The following ADAMTS6 variants were observed in gnomAD, a reference collection of about 807,000 sequenced individuals.
ADAMTS6 encodes A disintegrin and metalloproteinase with thrombospondin motifs 6.
A neutral mutation model predicts 144.3 loss-of-function variants in ADAMTS6; 23 were observed. The ratio of observed to expected loss-of-function variants is 0.16; its 90% CI spans 0.11 to 0.23. The LOEUF (loss-of-function observed/expected upper bound fraction) is 0.23. Among genes scored for constraint, ADAMTS6 ranks in the 10% least tolerant of loss-of-function variants. The pLI is 1.00. For synonymous variants in ADAMTS6, 444 were observed against 457.5 expected (o/e 0.97, Z 0.38); for missense variants, 999 against 1,379.6 (o/e 0.72, Z 4.37).
In ADAMTS6 at chr5:65,427,956, C is replaced by T. The variant is rs72760584; in HGVS notation, c.1073+23519G>A. On this transcript the variant is annotated intron_variant, in intron 7 of 24. Transcript: ENST00000381055. The stretch of plus-strand genomic sequence containing the variant: ...TTAAGTTAATAAAGAAGGCCAGGCA[C>T]GGCTCACACCTATAATCCCAGCACT... 4.3e-3 allele frequency among the ~76,000 whole-genome samples: 651 copies of T among 151,708 alleles called. 5 individuals carry two copies. The highest frequency in any genetic ancestry group is 6.7e-3 in the Admixed American group (102 of 15,266).
chr5:65,399,361 A>G (rs1580606031), intron 7 of ADAMTS6, among the ~76,000 whole-genome samples: 2 of 152,270 alleles, frequency 1.3e-5, no homozygotes. Flanking sequence ...TGGAGCATTG[A>G]TATTCACAAT....
intron 10 of ADAMTS6, among the ~76,000 whole-genome samples, chr5:65,297,542 T>C (rs552672902): frequency 8.5e-5 from 13 of 152,278 alleles, no homozygotes; most frequent in Admixed American, 8.5e-4. Context: ...TAAAATAAAA[T>C]GTTATGAGCC....
intron 7 of ADAMTS6, among the ~76,000 whole-genome samples, chr5:65,339,129 T>C (rs112474800): frequency 4.6e-5 from 7 of 152,276 alleles, no homozygotes; most frequent in African/African-American, 1.4e-4. Flanking sequence ...CAACCCACCA[T>C]GTGCATACAT....
chr5:65,182,130 C>T (rs1361681179), intron 22 of ADAMTS6, among the ~76,000 whole-genome samples: 1 of 152,070 alleles, frequency 6.6e-6, no homozygotes, highest in East Asian at 1.9e-4. Flanking sequence ...CAAACCAAAA[C>T]CAAACCAGAT....
intron 3 of ADAMTS6, among the ~76,000 whole-genome samples, chr5:65,462,998 C>T (rs1043178799): frequency 5.3e-5 from 8 of 151,100 alleles, no homozygotes; most frequent in Admixed American, 2.0e-4. Context: ...GAGAATCACT[C>T]GAACCTGGGA....
chr5:65,371,064 C>G (rs1263023203), intron 7 of ADAMTS6, among the ~76,000 whole-genome samples: 1 of 152,134 alleles, frequency 6.6e-6, no homozygotes, highest in East Asian at 1.9e-4. Flanking sequence ...GCTGAGTGTC[C>G]TGTCTGTTAG....
At chr5:65,383,791 T>C (rs1580557851) in intron 7 of ADAMTS6, among the ~76,000 whole-genome samples, 1 of 152,240 alleles carries the variant, frequency 6.6e-6, no homozygotes, top group East Asian at 1.9e-4. Flanking sequence ...GGGCCCTCTA[T>C]GGTGACTCCC....
chr5:65,395,716 G>A (rs770181879), intron 7 of ADAMTS6, among the ~76,000 whole-genome samples: 4 of 152,148 alleles, frequency 2.6e-5, no homozygotes, highest in Non-Finnish European at 5.9e-5. Flanking sequence ...TTAATGGGCT[G>A]TTAATATTTT....
At chr5:65,451,682 CT>C in intron 6 of ADAMTS6, 62 bp from the exon 7 acceptor site, 1 of 1,571,156 alleles carries the variant, frequency 6.4e-7, no homozygotes, top group Non-Finnish European at 8.7e-7. Flanking sequence ...GTTGTTAAAA[CT>C]TTTGAAGACT....
chr5:65,359,258 G>A (rs1295180990), intron 7 of ADAMTS6, among the ~76,000 whole-genome samples: 2 of 151,998 alleles, frequency 1.3e-5, no homozygotes, highest in Admixed American at 6.6e-5. Context: ...TGATATGAAC[G>A]ACATTTCTCA....
intron 7 of ADAMTS6, among the ~76,000 whole-genome samples, chr5:65,371,300 G>A (rs577041536): frequency 5.3e-5 from 8 of 152,306 alleles, no homozygotes; most frequent in African/African-American, 1.9e-4. Flanking sequence ...AGAGAAGAAG[G>A]CTTCAAACAA....
chr5:65,181,368 C>T (rs1754339912), intron 22 of ADAMTS6, among the ~76,000 whole-genome samples: 2 of 152,234 alleles, frequency 1.3e-5, no homozygotes, highest in Admixed American at 1.3e-4. Context: ...CTGTTCAAAC[C>T]AAAGACTTAA....
intron 7 of ADAMTS6, among the ~76,000 whole-genome samples, chr5:65,420,507 G>A (rs963236496): frequency 1.3e-5 from 2 of 151,974 alleles, no homozygotes; most frequent in Non-Finnish European, 2.9e-5. Flanking sequence ...TCAGCCTCAC[G>A]AGTAGCCTGG....
chr5:65,284,754 C>A (rs1763237476), intron 11 of ADAMTS6, among the ~76,000 whole-genome samples: 1 of 152,000 alleles, frequency 6.6e-6, no homozygotes, highest in African/African-American at 2.4e-5. Flanking sequence ...AAATGTATTT[C>A]CACTGGAAAG....
chr5:65,332,218 C>G (rs1293767579), intron 8 of ADAMTS6, among the ~76,000 whole-genome samples: 1 of 147,188 alleles, frequency 6.8e-6, no homozygotes, highest in Admixed American at 6.8e-5. Context: ...CAATCTAATA[C>G]AATGAAGAGC....
intron 7 of ADAMTS6, among the ~76,000 whole-genome samples, chr5:65,402,672 C>T (rs1470495359): frequency 6.7e-6 from 1 of 148,544 alleles, no homozygotes; most frequent in Non-Finnish European, 1.5e-5. Context: ...GAATAAATGT[C>T]CAGGCTCCTA....
chr5:65,241,152 G>A (rs748221222), intron 15 of ADAMTS6, among the ~76,000 whole-genome samples: 4 of 150,608 alleles, frequency 2.7e-5, no homozygotes, highest in Non-Finnish European at 4.4e-5. Context: ...ATATAAAGTT[G>A]TCACTATAAA....
chr5:65,351,045 T>C (rs1748805519), intron 7 of ADAMTS6, among the ~76,000 whole-genome samples: 1 of 152,258 alleles, frequency 6.6e-6, no homozygotes, highest in South Asian at 2.1e-4. Context: ...CTATATTTCA[T>C]AATTCTAATT....
chr5:65,185,149 T>C (rs974237376), intron 22 of ADAMTS6, among the ~76,000 whole-genome samples: 2 of 152,210 alleles, frequency 1.3e-5, no homozygotes, highest in African/African-American at 4.8e-5. Context: ...GTTCCATTCC[T>C]TTGGGAAGAA....
Sources: allele counts gnomAD v4.1 joint callset (sites outside exome capture counted in the v4.1 genomes callset), GRCh38; gene constraint gnomAD v4.1.1; transcripts MANE v1.5; gene names NCBI Gene and HGNC (gene_info 2026-07-23, HGNC 2026-07-21).